The following RARB variants were observed in gnomAD, a reference collection of about 807,000 sequenced individuals.
The protein encoded by RARB is HBV-activated protein.
Under a neutral mutation model 51.9 loss-of-function variants are expected in RARB, and 17 were observed. That is an observed-to-expected ratio of 0.33 (90% CI 0.22 to 0.49). The LOEUF is 0.49. Ranked by LOEUF, RARB falls within the 20% of genes least tolerant of loss-of-function variation. RARB has a pLI of 0.99. For missense variants in RARB, 369 were observed against 550.8 expected (o/e 0.67, Z 3.30); for synonymous variants, 215 against 195.4 (o/e 1.10, Z -0.84).
At chr3:24,993,560 AAAT>A (rs1220954190) in intron 2 of RARB, among the ~76,000 whole-genome samples, 2 of 152,160 alleles carry the variant, frequency 1.3e-5, no homozygotes, top group South Asian at 4.1e-4. Context: ...ATTTGAAATT[AAAT>A]ATTATTAACT....
chr3:25,272,219 G>A (rs923911606), intron 5 of RARB, among the ~76,000 whole-genome samples: 2 of 152,076 alleles, frequency 1.3e-5, no homozygotes, highest in Non-Finnish European at 2.9e-5. Context: ...GTTCATCTCC[G>A]GTTGTGTACT....
intron 3 of RARB, among the ~76,000 whole-genome samples, chr3:25,060,372 T>G (rs1185824914): frequency 6.6e-6 from 1 of 151,866 alleles, no homozygotes; most frequent in Admixed American, 6.6e-5. Flanking sequence ...TTCTTTTATG[T>G]ATATTTTGTA....
chr3:25,276,028 C>T (rs1451645411), intron 5 of RARB, among the ~76,000 whole-genome samples: 1 of 152,196 alleles, frequency 6.6e-6, no homozygotes, highest in East Asian at 1.9e-4. Context: ...ATCCCTAGGT[C>T]ACTTAACCTC....
intron 2 of RARB, among the ~76,000 whole-genome samples, chr3:24,918,183 C>A (rs773998402): frequency 6.6e-6 from 1 of 152,120 alleles, no homozygotes; most frequent in South Asian, 2.1e-4. Context: ...TAAACAAAAA[C>A]GGTACCTCCG....
chr3:25,373,090 C>T (rs1194208037), intron 5 of RARB, among the ~76,000 whole-genome samples: 3 of 152,076 alleles, frequency 2.0e-5, no homozygotes, highest in Non-Finnish European at 4.4e-5. Flanking sequence ...GATTTGGAAG[C>T]GTTTGTCTGT....
intron 4 of RARB, among the ~76,000 whole-genome samples, chr3:25,153,157 T>TGTGTGTGCATGC (rs1246725859): frequency 6.6e-6 from 1 of 151,986 alleles, no homozygotes; most frequent in Non-Finnish European, 1.5e-5. Flanking sequence ...TGTGTGTGTG[T>TGTGTGTGCATGC]GTGCATGCGT....
At chr3:25,339,981 C>T (rs1461738931) in intron 5 of RARB, among the ~76,000 whole-genome samples, 1 of 152,102 alleles carries the variant, frequency 6.6e-6, no homozygotes, top group Non-Finnish European at 1.5e-5. Flanking sequence ...AAGTTTGAGC[C>T]ATGCAGAAGG....
intron 2 of RARB, among the ~76,000 whole-genome samples, chr3:24,898,643 T>TTA (rs1703530014): frequency 6.6e-6 from 1 of 152,200 alleles, no homozygotes; most frequent in South Asian, 2.1e-4. Context: ...CTTTTCTATT[T>TTA]TATATATCAA....
At chr3:25,498,158 G>C (rs1460967779) in intron 2 of RARB, among the ~76,000 whole-genome samples, 1 of 152,162 alleles carries the variant, frequency 6.6e-6, no homozygotes, top group African/African-American at 2.4e-5. Context: ...AAGTAAGCCA[G>C]AGATAAATGG....
At chr3:25,300,095 T>A (rs145797287) in intron 5 of RARB, among the ~76,000 whole-genome samples, 61 of 152,376 alleles carry the variant, frequency 4.0e-4, no homozygotes, top group African/African-American at 1.4e-3. Context: ...GAGGAGTAGA[T>A]GATATCACAT....
intron 2 of RARB, among the ~76,000 whole-genome samples, chr3:24,982,412 G>A (rs1575104798): frequency 6.6e-6 from 1 of 152,200 alleles, no homozygotes; most frequent in South Asian, 2.1e-4. Context: ...GCTGGTTTAG[G>A]AAAGCTAAAC....
intron 4 of RARB, 70 bp from the exon 5 acceptor site, chr3:25,580,476 A>C: frequency 1.3e-5 from 18 of 1,370,954 alleles, no homozygotes; most frequent in Non-Finnish European, 1.8e-5. Context: ...AATTGGAAAC[A>C]CATTGAATTT....
At chr3:24,854,218 A>G (rs1702604039) in intron 1 of RARB, among the ~76,000 whole-genome samples, 1 of 152,158 alleles carries the variant, frequency 6.6e-6, no homozygotes, top group South Asian at 2.1e-4. Flanking sequence ...CTCTCCTTGG[A>G]CTTCTTTGGT....
intron 5 of RARB, among the ~76,000 whole-genome samples, chr3:25,380,106 TA>T (rs1206271668): frequency 1.3e-5 from 2 of 152,160 alleles, no homozygotes; most frequent in Non-Finnish European, 1.5e-5. Flanking sequence ...TTTCCTATTA[TA>T]TCATAATAGA....
chr3:24,878,362 AT>A (rs34694855), intron 2 of RARB, among the ~76,000 whole-genome samples: 1,910 of 147,212 alleles, frequency 0.013, 45 homozygotes, highest in African/African-American at 0.045. Flanking sequence ...CCAAGTTGTG[AT>A]TTTTTTTTTC....
intron 2 of RARB, among the ~76,000 whole-genome samples, chr3:24,883,073 A>C (rs2125358133): frequency 6.6e-6 from 1 of 152,320 alleles, no homozygotes; most frequent in East Asian, 1.9e-4. Flanking sequence ...TCTCCTTGTG[A>C]CATTCATTGT....
At chr3:25,239,919 C>G (rs547771044) in intron 5 of RARB, among the ~76,000 whole-genome samples, 7 of 152,058 alleles carry the variant, frequency 4.6e-5, no homozygotes, top group Non-Finnish European at 1.0e-4. Flanking sequence ...TTCTGATCCA[C>G]GAGCATAGAT....
intron 5 of RARB, among the ~76,000 whole-genome samples, chr3:25,186,791 A>C (rs1333934840): frequency 6.6e-6 from 1 of 152,114 alleles, no homozygotes; most frequent in Non-Finnish European, 1.5e-5. Flanking sequence ...AACAAAAGAC[A>C]GATTAACATC....
At chr3:24,905,318 C>T (rs1173867208) in intron 2 of RARB, among the ~76,000 whole-genome samples, 1 of 152,116 alleles carries the variant, frequency 6.6e-6, no homozygotes, top group Non-Finnish European at 1.5e-5. Flanking sequence ...AAATCCAATT[C>T]TATGTCTTCT....
Sources: gnomAD v4.1 joint callset for allele counts (sites outside exome capture counted in the v4.1 genomes callset) on GRCh38, gnomAD v4.1.1 for gene constraint, MANE v1.5 for transcripts, NCBI Gene and HGNC (gene_info 2026-07-23, HGNC 2026-07-21) for gene names.